The following PATJ variants were observed in gnomAD, a reference collection of about 807,000 sequenced individuals.
PATJ encodes the protein PATJ crumbs cell polarity complex component.
PATJ carries 190 observed loss-of-function variants against 224.9 expected under a neutral mutation model. The ratio of observed to expected loss-of-function variants is 0.84; its 90% CI spans 0.75 to 0.95. The LOEUF is 0.95. Among genes scored for constraint, PATJ ranks in the 40% least tolerant of loss-of-function variants. PATJ has a pLI of 0.00. For missense variants in PATJ, 2,121 were observed against 2,270.3 expected (o/e 0.93, Z 1.34); for synonymous variants, 769 against 820.3 (o/e 0.94, Z 1.07).
At chr1:61,792,742 G>T (rs1557653507) in intron 9 of PATJ, among the ~76,000 whole-genome samples, 2 of 151,900 alleles carry the variant, frequency 1.3e-5, no homozygotes, top group African/African-American at 2.4e-5. Flanking sequence ...GTTGGCCAGG[G>T]TGGTCTCAAA....
chr1:62,034,953 G>A (rs1206401169), intron 29 of PATJ, among the ~76,000 whole-genome samples: 1 of 152,150 alleles, frequency 6.6e-6, no homozygotes, highest in Non-Finnish European at 1.5e-5. Context: ...GATATGAAAA[G>A]TCACCTATTT....
At chr1:61,856,806 T>C (rs1212658888) in intron 18 of PATJ, among the ~76,000 whole-genome samples, 1 of 152,200 alleles carries the variant, frequency 6.6e-6, no homozygotes, top group Non-Finnish European at 1.5e-5. Context: ...TTGGCCAGGC[T>C]GGTCTTGAAG....
At chr1:61,960,686 C>G (rs1007633105) in intron 27 of PATJ, among the ~76,000 whole-genome samples, 2 of 151,638 alleles carry the variant, frequency 1.3e-5, no homozygotes, top group Admixed American at 6.6e-5. Flanking sequence ...AAAAGTTTTA[C>G]CTTTGAACGA....
intron 20 of PATJ, among the ~76,000 whole-genome samples, chr1:61,868,662 G>A (rs1665777826): frequency 6.6e-6 from 1 of 152,046 alleles, no homozygotes; most frequent in Non-Finnish European, 1.5e-5. Flanking sequence ...GGTGGTGCAT[G>A]CCTGTGGTTC....
At chr1:62,123,355 T>A (rs1186464122) in intron 39 of PATJ, among the ~76,000 whole-genome samples, 1 of 152,056 alleles carries the variant, frequency 6.6e-6, no homozygotes, top group East Asian at 1.9e-4. Context: ...TGTAAAGTTT[T>A]ATAAAACAAA....
At chr1:62,045,140 G>C (rs889762505) in intron 30 of PATJ, among the ~76,000 whole-genome samples, 13 of 152,016 alleles carry the variant, frequency 8.6e-5, no homozygotes, top group African/African-American at 2.9e-4. Flanking sequence ...AGAATCACTT[G>C]AACCCAGGAG....
chr1:62,029,198 T>A (rs1537317), intron 29 of PATJ, among the ~76,000 whole-genome samples: 20,260 of 152,158 alleles, frequency 0.13, 1,547 homozygotes, highest in Middle Eastern at 0.25. Context: ...CCTATGAATT[T>A]TAAGATGAAA....
At chr1:61,975,287 C>A (rs1456842764) in intron 27 of PATJ, among the ~76,000 whole-genome samples, 3 of 151,934 alleles carry the variant, frequency 2.0e-5, no homozygotes, top group Admixed American at 1.3e-4. Context: ...GTACTGATTG[C>A]CAAAGTTGAA....
chr1:61,837,111 T>C (rs1159605816), intron 17 of PATJ, among the ~76,000 whole-genome samples: 2 of 152,250 alleles, frequency 1.3e-5, no homozygotes, highest in Non-Finnish European at 2.9e-5. Flanking sequence ...TTGGTGTTTA[T>C]GTACCTCCAA....
At chr1:61,991,427 C>A in intron 28 of PATJ, 1 of 880,208 alleles carries the variant, frequency 1.1e-6, no homozygotes, top group Non-Finnish European at 1.4e-6. Flanking sequence ...GAGTGTTAGA[C>A]TGCTTACTTG....
At chr1:61,744,875 C>T (rs1644946866) in intron 1 of PATJ, among the ~76,000 whole-genome samples, 1 of 152,198 alleles carries the variant, frequency 6.6e-6, no homozygotes, top group Admixed American at 6.6e-5. Context: ...TAACTCCCTC[C>T]TCTGGGTTGG....
Position 62,095,702 on chromosome 1 carries a change from G to A in PATJ, c.4377+11054G>A, listed in dbSNP as rs1052196472. ...AGTTTTTTTTTGTAAAGTATCACCC[G>A]GGAAAAGCAACAGTAGGAATTATAG... On this transcript the variant is annotated intron_variant, in intron 33 of 43. Coordinates refer to ENST00000642238, the MANE Select transcript of PATJ (RefSeq NM_001350145.3). 1.2e-4 allele frequency among the ~76,000 whole-genome samples: 18 copies of A among 152,024 alleles called. 1 individual carries two copies. Among genetic ancestry groups the A allele is most frequent in the Non-Finnish European group, 2.2e-4 (15 of 68,022 alleles).
chr1:61,819,816 A>T (rs1198452618), intron 14 of PATJ, among the ~76,000 whole-genome samples: 1 of 152,186 alleles, frequency 6.6e-6, no homozygotes, highest in Non-Finnish European at 1.5e-5. Context: ...TCCCACCTGC[A>T]TTTAGCAACT....
chr1:61,863,701 ATT>A (rs1664982750), intron 19 of PATJ, among the ~76,000 whole-genome samples: 3 of 152,186 alleles, frequency 2.0e-5, no homozygotes, highest in Non-Finnish European at 2.9e-5. Context: ...GAAAAATAAG[ATT>A]TGTTATTTTT....
intron 30 of PATJ, among the ~76,000 whole-genome samples, chr1:62,043,875 G>A (rs921172127): frequency 3.3e-5 from 5 of 151,912 alleles, no homozygotes; most frequent in Admixed American, 6.6e-5. Context: ...CTATAGGCAC[G>A]CACCACCATA....
chr1:62,012,110 T>G (rs1225582823), intron 28 of PATJ, among the ~76,000 whole-genome samples: 2 of 152,142 alleles, frequency 1.3e-5, no homozygotes, highest in African/African-American at 4.8e-5. Flanking sequence ...GTGACCTGGT[T>G]TTTGGTTGAT....
intron 28 of PATJ, among the ~76,000 whole-genome samples, chr1:62,010,952 C>T (rs1224154286): frequency 6.6e-6 from 1 of 152,166 alleles, no homozygotes; most frequent in Non-Finnish European, 1.5e-5. Context: ...TGAGACTCCT[C>T]GCCTTAAACC....
At chr1:61,877,788 G>A (rs78412159) in intron 21 of PATJ, among the ~76,000 whole-genome samples, 2,057 of 152,190 alleles carry the variant, frequency 0.014, 41 homozygotes, top group African/African-American at 0.048. Flanking sequence ...GTGTGAGAGT[G>A]GATTAATACA....
chr1:62,125,835 T>A (rs1665666403), intron 39 of PATJ, among the ~76,000 whole-genome samples: 1 of 152,094 alleles, frequency 6.6e-6, no homozygotes, highest in Non-Finnish European at 1.5e-5. Flanking sequence ...AGTGGTGCAA[T>A]CTCGGCTCAC....
Sources: allele counts gnomAD v4.1 joint callset (sites outside exome capture counted in the v4.1 genomes callset), GRCh38; gene constraint gnomAD v4.1.1; transcripts MANE v1.5; gene names NCBI Gene and HGNC (gene_info 2026-07-23, HGNC 2026-07-21).